Variants in SLC44A5 observed in about 807,000 individuals in gnomAD.
The protein encoded by SLC44A5 is choline transporter-like protein 5.
In SLC44A5, 57 loss-of-function variants were observed where a neutral mutation model predicts 101.8. The ratio of observed to expected loss-of-function variants is 0.56; its 90% CI spans 0.45 to 0.70. The LOEUF (loss-of-function observed/expected upper bound fraction) is 0.70. Among genes scored for constraint, SLC44A5 ranks in the 30% least tolerant of loss-of-function variants. SLC44A5 has a pLI of 0.00. For missense variants in SLC44A5, 737 were observed against 853.1 expected (o/e 0.86, Z 1.70); for synonymous variants, 281 against 290.9 (o/e 0.97, Z 0.35).
intron 2 of SLC44A5, among the ~76,000 whole-genome samples, chr1:75,514,357 GACA>G (rs1411563698): frequency 2.6e-5 from 4 of 152,132 alleles, no homozygotes; most frequent in Admixed American, 2.0e-4. Context: ...TTCTGAGAGT[GACA>G]ACAATTTGTA....
the SLC44A5 span, among the ~76,000 whole-genome samples, chr1:75,655,091 C>T: frequency 2.0e-5 from 3 of 152,140 alleles, no homozygotes; most frequent in African/African-American, 7.2e-5. Context: ...GGAGTCTAAG[C>T]TCCCCCAAAT....
At chr1:75,310,836 C>G (rs2100912549) in intron 4 of SLC44A5, among the ~76,000 whole-genome samples, 1 of 152,164 alleles carries the variant, frequency 6.6e-6, no homozygotes, top group South Asian at 2.1e-4. Context: ...ATATCAGTAA[C>G]AGCAAAATAG....
intron 3 of SLC44A5, among the ~76,000 whole-genome samples, chr1:75,394,273 A>T (rs1661981828): frequency 6.6e-6 from 1 of 152,172 alleles, no homozygotes; most frequent in Non-Finnish European, 1.5e-5. Flanking sequence ...TGGAAGAGCA[A>T]GATACAAGTC....
At chr1:75,487,371 A>G (rs1025034652) in intron 2 of SLC44A5, among the ~76,000 whole-genome samples, 7 of 152,216 alleles carry the variant, frequency 4.6e-5, no homozygotes, top group Non-Finnish European at 8.8e-5. Context: ...CCTTGCAAAT[A>G]GGGCAAAAAT....
At chr1:75,664,971 T>C in the SLC44A5 span, among the ~76,000 whole-genome samples, 1 of 139,148 alleles carries the variant, frequency 7.2e-6, no homozygotes, top group Non-Finnish European at 1.6e-5. Flanking sequence ...CACAGAAAAA[T>C]GGAAAAACAT....
intron 4 of SLC44A5, among the ~76,000 whole-genome samples, chr1:75,303,727 T>G (rs111512360): frequency 3.9e-4 from 59 of 152,272 alleles, no homozygotes; most frequent in African/African-American, 1.4e-3. Context: ...CTCACCACAA[T>G]GGGACAGCAT....
chr1:75,672,736 C>A, the SLC44A5 span, among the ~76,000 whole-genome samples: 3 of 152,254 alleles, frequency 2.0e-5, no homozygotes, highest in Admixed American at 2.0e-4. Context: ...GTAAAGAGAA[C>A]TTTGTCTTGT....
the SLC44A5 span, among the ~76,000 whole-genome samples, chr1:75,699,879 T>C: frequency 2.0e-5 from 3 of 151,966 alleles, no homozygotes; most frequent in Admixed American, 6.6e-5. Context: ...AAACAGACTT[T>C]TAACCAACAA....
the SLC44A5 span, among the ~76,000 whole-genome samples, chr1:75,711,293 A>C: frequency 6.6e-5 from 10 of 152,324 alleles, no homozygotes; most frequent in African/African-American, 2.4e-4. Context: ...GCAAATTCCC[A>C]TAGAAGCAGA....
chr1:75,670,744 A>G, the SLC44A5 span, among the ~76,000 whole-genome samples: 2 of 152,220 alleles, frequency 1.3e-5, no homozygotes, highest in Non-Finnish European at 1.5e-5. Flanking sequence ...GGAGTAAGAT[A>G]GAAACCACAC....
the SLC44A5 span, among the ~76,000 whole-genome samples, chr1:75,686,444 C>A: frequency 3.3e-5 from 5 of 152,256 alleles, no homozygotes; most frequent in Admixed American, 2.0e-4. Flanking sequence ...GAAGTAGAGC[C>A]TGTTGGCAAA....
At chr1:75,584,282 C>G (rs1263333960) in intron 1 of SLC44A5, among the ~76,000 whole-genome samples, 1 of 152,198 alleles carries the variant, frequency 6.6e-6, no homozygotes, top group Non-Finnish European at 1.5e-5. Flanking sequence ...AGCAGTGCAG[C>G]ACTATCCTAA....
chr1:75,401,916 A>G (rs1272171722), intron 2 of SLC44A5, among the ~76,000 whole-genome samples: 1 of 152,208 alleles, frequency 6.6e-6, no homozygotes, highest in Non-Finnish European at 1.5e-5. Flanking sequence ...CAATTCTAGC[A>G]GACAAAATTT....
chr1:75,447,558 T>TA (rs1665660602), intron 2 of SLC44A5, among the ~76,000 whole-genome samples: 1 of 152,036 alleles, frequency 6.6e-6, no homozygotes, highest in Non-Finnish European at 1.5e-5. Context: ...GGAAAGAGGG[T>TA]TTATTCTGAA....
At chr1:75,374,603 C>T (rs1660447811) in intron 3 of SLC44A5, among the ~76,000 whole-genome samples, 1 of 152,208 alleles carries the variant, frequency 6.6e-6, no homozygotes, top group Non-Finnish European at 1.5e-5. Flanking sequence ...CACTGAAACA[C>T]ACAAGAGGCA....
intron 5 of SLC44A5, among the ~76,000 whole-genome samples, chr1:75,297,404 C>G (rs1362396928): frequency 1.3e-5 from 2 of 152,174 alleles, no homozygotes; most frequent in African/African-American, 4.8e-5. Flanking sequence ...CCCAACTCAG[C>G]CTCCCGAGTA....
At position 75,202,284 on chromosome 1, in the gene SLC44A5, A is replaced by T. The variant is rs575003734; in HGVS notation, c.*1443T>A. 1 of 152,306 alleles carries T rather than the reference A, an allele frequency of 6.6e-6. No individual in the cohort carries two copies. The highest frequency in any genetic ancestry group is 1.9e-4 in the East Asian group (1 of 5,182). 9.4% of individuals were successfully genotyped at this position (152,306 alleles called of 1,614,324 possible). A position where few individuals can be genotyped will look rare whatever the true frequency, so the allele number is the denominator to read the frequency against. ...GAAGCACACTGATTATAGAGCTCAG[A>T]CTGTCATGTGCTCATGTGAGTTTAT... On this transcript the variant is annotated 3_prime_UTR_variant, in exon 24 of 24. Transcript: ENST00000370859.
At chr1:75,527,054 G>C (rs1670444734) in intron 2 of SLC44A5, among the ~76,000 whole-genome samples, 1 of 151,506 alleles carries the variant, frequency 6.6e-6, no homozygotes, top group South Asian at 2.1e-4. Context: ...AGAATCGCTT[G>C]AAGCTGGGAG....
At chr1:75,263,454 G>C (rs1231098734) in intron 6 of SLC44A5, among the ~76,000 whole-genome samples, 1 of 152,174 alleles carries the variant, frequency 6.6e-6, no homozygotes, top group Non-Finnish European at 1.5e-5. Context: ...CAGTTAGAAT[G>C]ATGGTCATTA....
Sources: gnomAD v4.1 joint callset for allele counts (sites outside exome capture counted in the v4.1 genomes callset) on GRCh38, gnomAD v4.1.1 for gene constraint, MANE v1.5 for transcripts, NCBI Gene and HGNC (gene_info 2026-07-23, HGNC 2026-07-21) for gene names.